The following SYT7 variants were observed in gnomAD, a reference collection of about 807,000 sequenced individuals.
SYT7 encodes synaptotagmin-7.
In SYT7, 29 loss-of-function variants were observed where a neutral mutation model predicts 75.1. That is an observed-to-expected ratio of 0.39 (90% CI 0.29 to 0.53). The LOEUF (loss-of-function observed/expected upper bound fraction) is 0.53. Among genes scored for constraint, SYT7 ranks in the 20% least tolerant of loss-of-function variants. The pLI is 0.77. For missense variants in SYT7, 693 were observed against 953.2 expected, an observed-to-expected ratio of 0.73 and a Z score of 3.59; for synonymous variants, 376 against 401.7, an observed-to-expected ratio of 0.94 and a Z score of 0.76.
chr11:61,547,732 A>G (rs1047628325), intron 3 of SYT7, among the ~76,000 whole-genome samples: 4 of 152,160 alleles, frequency 2.6e-5, no homozygotes, highest in African/African-American at 9.7e-5. Context: ...GTTTCTGGCT[A>G]GATGGAGCTG....
the SYT7 span, among the ~76,000 whole-genome samples, chr11:61,587,825 AG>A: frequency 6.6e-6 from 1 of 151,936 alleles, no homozygotes; most frequent in Non-Finnish European, 1.5e-5. Context: ...GCGTGCGCGG[AG>A]GGGGTGCCGC....
chr11:61,559,246 G>C (rs2063578064), intron 1 of SYT7, among the ~76,000 whole-genome samples: 2 of 152,214 alleles, frequency 1.3e-5, no homozygotes, highest in Admixed American at 1.3e-4. Context: ...AGCTATCTGG[G>C]AAGGCCACCC....
chr11:61,565,465 G>T (rs148355980), intron 1 of SYT7, among the ~76,000 whole-genome samples: 1 of 152,338 alleles, frequency 6.6e-6, no homozygotes, highest in East Asian at 1.9e-4. Flanking sequence ...ACCAGGCAAA[G>T]CTCCAGGTCT....
intron 1 of SYT7, among the ~76,000 whole-genome samples, chr11:61,578,287 T>C (rs998148856): frequency 6.6e-6 from 1 of 151,772 alleles, no homozygotes; most frequent in Non-Finnish European, 1.5e-5. Flanking sequence ...GGGACCTGCA[T>C]AGTAAGTGGG....
chr11:61,542,186 C>T lies in SYT7; in HGVS notation c.941+25G>A, dbSNP rs115215476. 1,511 of 1,527,268 alleles carry T rather than the reference C, an allele frequency of 9.9e-4. 22 individuals carry two copies. The African/African-American group carries it at 0.019, about 19-fold the overall frequency. The allele number at this position is 1,527,268 out of a possible 1,614,324, so 94.6% of individuals were successfully genotyped here. A position where few individuals can be genotyped will look rare whatever the true frequency, so the allele number is the denominator to read the frequency against. On this transcript the variant is annotated intron_variant, in intron 6 of 12. Transcript: ENST00000539008. The surrounding 1 kb of genome is among the most constrained non-coding windows in gnomAD (Gnocchi z 7.8). ...GAGGCTGGGTCAGGGAGGTGGGGGC[C>T]GGCCCGCTCAAGGGGAGGACTTACA...
intron 12 of SYT7, among the ~76,000 whole-genome samples, chr11:61,520,142 G>A (rs1171331843): frequency 6.6e-6 from 1 of 150,948 alleles, no homozygotes; most frequent in Non-Finnish European, 1.5e-5. Context: ...TGCCCGCCTT[G>A]GCCTCCCAAA....
At chr11:61,564,593 C>A (rs2063718321) in intron 1 of SYT7, among the ~76,000 whole-genome samples, 1 of 152,222 alleles carries the variant, frequency 6.6e-6, no homozygotes, top group Non-Finnish European at 1.5e-5. Flanking sequence ...GTCTATAAGA[C>A]CTCAAACCCT....
upstream of SYT7, among the ~76,000 whole-genome samples, chr11:61,583,719 G>A (rs1049931012): frequency 6.6e-6 from 1 of 152,222 alleles, no homozygotes; most frequent in Non-Finnish European, 1.5e-5. Flanking sequence ...GCATTAGACG[G>A]TCCTTGTTCC....
At chr11:61,558,505 TACACAC>T (rs34301756) in intron 1 of SYT7, among the ~76,000 whole-genome samples, 184 of 134,648 alleles carry the variant, frequency 1.4e-3, no homozygotes, top group South Asian at 4.6e-3. Flanking sequence ...CACACACACA[TACACAC>T]ACACACACAC....
At chr11:61,531,578 T>C (rs1212242755) in intron 8 of SYT7, among the ~76,000 whole-genome samples, 1 of 151,888 alleles carries the variant, frequency 6.6e-6, no homozygotes, top group Non-Finnish European at 1.5e-5. Flanking sequence ...GAAAATCTGA[T>C]GCTCTAATGT....
Position 61,576,766 on chromosome 11 carries a change from C to G in SYT7, c.31+4024G>C, listed in dbSNP as rs953109835. On this transcript the variant is annotated intron_variant, in intron 1 of 12. Coordinates refer to ENST00000539008, the MANE Select transcript of SYT7 (RefSeq NM_001365809.2). The surrounding 1 kb of genome is among the most constrained non-coding windows in gnomAD (Gnocchi z 4.1). ...GGCAGGAGGGGGAGGGAACCATATA[C>G]GGCTCCTCTGCCTGTTCCACACAAC... Among the ~76,000 whole-genome samples, 4 of 152,110 alleles carry G rather than the reference C, an allele frequency of 2.6e-5. No homozygotes were observed. Among genetic ancestry groups the G allele is most frequent in the African/African-American group, 9.7e-5 (4 of 41,412 alleles).
rs1401179210 is a variant in SYT7, at chr11:61,513,979, CCTT to C, written c.*4645_*4647del. Among the ~76,000 whole-genome samples, 5 of 152,078 alleles carry C rather than the reference CCTT, an allele frequency of 3.3e-5. No individual in the cohort carries two copies. ...GAGCGCAGGACGTAACCCAGGACAGCCTTCCAGAAAGCAGCAGTATCCAGGGGG... is the reference window on the plus strand; with the variant it reads ...GAGCGCAGGACGTAACCCAGGACAGCCCAGAAAGCAGCAGTATCCAGGGGG... On this transcript the variant is annotated 3_prime_UTR_variant, in exon 13 of 13. Coordinates refer to ENST00000539008, the MANE Select transcript of SYT7 (RefSeq NM_001365809.2).
chr11:61,569,591 G>A (rs1239042578), intron 1 of SYT7, among the ~76,000 whole-genome samples: 1 of 152,098 alleles, frequency 6.6e-6, no homozygotes. Flanking sequence ...GAGACAGGAA[G>A]GGGTAGGAAT....
intron 12 of SYT7, among the ~76,000 whole-genome samples, chr11:61,522,070 AAC>A (rs1437828078): frequency 1.3e-5 from 2 of 152,188 alleles, no homozygotes; most frequent in Non-Finnish European, 2.9e-5. Flanking sequence ...ACCATAAATA[AAC>A]ACAGGAGTAG....
At chr11:61,561,503 C>G (rs1471718198) in intron 1 of SYT7, among the ~76,000 whole-genome samples, 1 of 152,164 alleles carries the variant, frequency 6.6e-6, no homozygotes. Context: ...TGCCACCCCC[C>G]AAGGAGATCT....
chr11:61,529,548 C>T (rs1298177286), intron 8 of SYT7, among the ~76,000 whole-genome samples: 1 of 152,232 alleles, frequency 6.6e-6, no homozygotes, highest in Non-Finnish European at 1.5e-5. Flanking sequence ...CAGGCCCACA[C>T]CCCAGGGCAA....
rs2062399300 is a variant in SYT7, at chr11:61,523,133, G to T, written c.1898C>A (p.Thr633Asn). ...CTTGTCCATGACAGTGATGATGATGGTCGTCTCCCTCAGCTTCTCCGTGGG... is the reference window on the plus strand; with the variant it reads ...CTTGTCCATGACAGTGATGATGATGTTCGTCTCCCTCAGCTTCTCCGTGGG... ...DIPTEKLRET[T>N]IIITVMDKDK... The change falls in exon 12 of 13, where the codon ACC becomes AAC. Residue 633 changes from threonine (T) to asparagine (N), a missense_variant. Coordinates refer to ENST00000539008, the MANE Select transcript of SYT7 (RefSeq NM_001365809.2). This position sits in a 1 kb window ranked among gnomAD's most constrained non-coding sequence, Gnocchi z 5.0. The T allele has an allele frequency of 6.2e-7, 1 of 1,614,194 alleles. No homozygotes were observed. The highest frequency in any genetic ancestry group is 8.5e-7 in the Non-Finnish European group (1 of 1,180,032).
chr11:61,530,187 G>A (rs192783079), intron 8 of SYT7, among the ~76,000 whole-genome samples: 8 of 152,254 alleles, frequency 5.3e-5, no homozygotes, highest in South Asian at 2.1e-4. Context: ...CCAGTTTATC[G>A]GCCAGGAATC....
chr11:61,586,391 A>C, the SYT7 span, among the ~76,000 whole-genome samples: 1 of 152,174 alleles, frequency 6.6e-6, no homozygotes, highest in Non-Finnish European at 1.5e-5. Context: ...ACTGAGGGCC[A>C]TGGGGGCTAC....
Sources: allele counts gnomAD v4.1 joint callset (sites outside exome capture counted in the v4.1 genomes callset), GRCh38; gene constraint gnomAD v4.1.1; non-coding constraint Gnocchi (gnomAD v3.1); transcripts MANE v1.5; gene names NCBI Gene and HGNC (gene_info 2026-07-23, HGNC 2026-07-21).